The following SNTG2 variants were observed in gnomAD, a reference collection of about 807,000 sequenced individuals.
SNTG2 encodes syntrophin gamma 2.
SNTG2 carries 74 observed loss-of-function variants against 70.9 expected under a neutral mutation model. That is an observed-to-expected ratio of 1.04 (90% CI 0.86 to 1.27). The LOEUF is 1.27. Ranked by LOEUF, SNTG2 falls within the 50% of genes most tolerant of loss-of-function variation. The pLI, the probability that SNTG2 is intolerant of heterozygous loss-of-function variation, is 0.00. For missense variants in SNTG2, 717 were observed against 690.7 expected, an observed-to-expected ratio of 1.04 and a Z score of -0.43; for synonymous variants, 278 against 273.8, an observed-to-expected ratio of 1.02 and a Z score of -0.15.
At chr2:1,137,854 ATT>A in intron 6 of SNTG2, 45 bp downstream of exon 6, 1 of 1,507,090 alleles carries the variant, frequency 6.6e-7, no homozygotes, top group East Asian at 2.3e-5. Flanking sequence ...TTATTCTTGT[ATT>A]TGAATTATTT....
intron 16 of SNTG2, among the ~76,000 whole-genome samples, chr2:1,326,688 A>C (rs536241107): frequency 6.6e-6 from 1 of 152,264 alleles, no homozygotes; most frequent in East Asian, 1.9e-4. Flanking sequence ...ATCTTGCTCA[A>C]AACAAAAAAA....
intron 16 of SNTG2, among the ~76,000 whole-genome samples, chr2:1,358,795 C>T (rs1163560581): frequency 6.6e-6 from 1 of 152,134 alleles, no homozygotes; most frequent in African/African-American, 2.4e-5. Flanking sequence ...TGCTCCTGTA[C>T]ACATTTGAGA....
intron 15 of SNTG2, 145 bp from the exon 16 acceptor site, chr2:1,316,120 A>T (rs4927634): frequency 0.53 from 300,467 of 570,878 alleles, 80,039 homozygotes; most frequent in Middle Eastern, 0.6. Context: ...AAGTAGAGAC[A>T]GACAAATCAT....
At chr2:1,365,951 GC>G (rs962680299) in intron 16 of SNTG2, among the ~76,000 whole-genome samples, 2 of 152,106 alleles carry the variant, frequency 1.3e-5, no homozygotes, top group African/African-American at 4.8e-5. Flanking sequence ...CCTGCCTGGG[GC>G]CCCATTCTCC....
intron 4 of SNTG2, among the ~76,000 whole-genome samples, chr2:1,100,323 C>T (rs112461108): frequency 1.2e-3 from 185 of 152,140 alleles, no homozygotes; most frequent in African/African-American, 4.2e-3. Context: ...CCCGCCACCA[C>T]GCCTGGCTAA....
In SNTG2 at chr2:1,273,862, G is replaced by C. The variant is rs183209123; in HGVS notation, c.1284+6291G>C. Among the ~76,000 whole-genome samples the C allele has an allele frequency of 1.4e-3, 215 of 152,046 alleles. 1 individual carries two copies. In the Middle Eastern group the frequency reaches 0.027, roughly 19 times the overall value. On this transcript the variant is annotated intron_variant, in intron 14 of 16. Transcript: ENST00000308624. The stretch of plus-strand genomic sequence containing the variant: ...TGAAAAACACTGCTAATATAATGAA[G>C]AGAAGATATGAAAACTGGGAGAAAA...
chr2:1,233,908 C>T (rs981578735), intron 9 of SNTG2, among the ~76,000 whole-genome samples: 1 of 149,884 alleles, frequency 6.7e-6, no homozygotes, highest in South Asian at 2.2e-4. Flanking sequence ...CTCGGTGGAC[C>T]CCGGGGTGCC....
At chr2:1,189,260 C>T (rs924697397) in intron 8 of SNTG2, among the ~76,000 whole-genome samples, 1 of 152,110 alleles carries the variant, frequency 6.6e-6, no homozygotes, top group Non-Finnish European at 1.5e-5. Flanking sequence ...AATACCATAT[C>T]AATGGATAGA....
At chr2:1,298,078 A>G (rs1680299542) in intron 14 of SNTG2, among the ~76,000 whole-genome samples, 1 of 152,176 alleles carries the variant, frequency 6.6e-6, no homozygotes, top group Non-Finnish European at 1.5e-5. Flanking sequence ...TGGGATTTCA[A>G]TCTATCAGCA....
chr2:1,239,285 A>G (rs1219641878), intron 10 of SNTG2, among the ~76,000 whole-genome samples: 3 of 152,312 alleles, frequency 2.0e-5, no homozygotes, highest in Admixed American at 1.3e-4. Flanking sequence ...CTGTGGGAAC[A>G]TTATGATTCT....
At chr2:973,520 A>C (rs1171809175) in intron 1 of SNTG2, among the ~76,000 whole-genome samples, 1 of 147,904 alleles carries the variant, frequency 6.8e-6, no homozygotes, top group Non-Finnish European at 1.5e-5. Context: ...GTGTGTGTGT[A>C]TATACATGTA....
chr2:1,149,217 G>GACACACACAC lies in SNTG2; in HGVS notation c.411+11411_411+11420dup, dbSNP rs142450306. On this transcript the variant is annotated intron_variant, in intron 6 of 16. Transcript: ENST00000308624. Reference sequence around the variant, plus strand: ...CGTGTGTGTGTGTGTGTGAGAGAGAGACACACACACACGGGGAGCAGTGAG... The same window carrying GACACACACAC: ...CGTGTGTGTGTGTGTGTGAGAGAGAGACACACACACACACACACACACGGGGAGCAGTGAG... 7.7e-4 allele frequency among the ~76,000 whole-genome samples: 115 copies of GACACACACAC among 149,040 alleles called. 1 individual carries two copies. The highest frequency in any genetic ancestry group is 2.1e-3 in the Admixed American group (31 of 14,862).
In SNTG2 at chr2:1,271,950, A is replaced by G. The variant is rs192055124; in HGVS notation, c.1284+4379A>G. On this transcript the variant is annotated intron_variant, in intron 14 of 16. Transcript: ENST00000308624. ...GGCTGATTGGCTTCTCGTCAAGGGAACGCTATTGGATGATTGGCTTCTGTG... is the reference window on the plus strand; with the variant it reads ...GGCTGATTGGCTTCTCGTCAAGGGAGCGCTATTGGATGATTGGCTTCTGTG... Among the ~76,000 whole-genome samples, 775 of 152,172 alleles carry G rather than the reference A, an allele frequency of 5.1e-3. 6 individuals are homozygous for G. Among genetic ancestry groups the G allele is most frequent in the African/African-American group, 0.018 (746 of 41,522 alleles).
intron 4 of SNTG2, among the ~76,000 whole-genome samples, chr2:1,101,612 A>C (rs1665783995): frequency 1.0e-5 from 1 of 95,970 alleles, no homozygotes; most frequent in Non-Finnish European, 2.0e-5. Context: ...AAGGGAGTGC[A>C]GGAGGGCTGT....
chr2:1,113,242 A>G (rs1282041715), intron 4 of SNTG2, among the ~76,000 whole-genome samples: 1 of 151,584 alleles, frequency 6.6e-6, no homozygotes, highest in Non-Finnish European at 1.5e-5. Context: ...TTTCAGAAGG[A>G]TGGTGTGTAC....
At chr2:1,131,976 C>T (rs972459741) in intron 4 of SNTG2, among the ~76,000 whole-genome samples, 2 of 152,152 alleles carry the variant, frequency 1.3e-5, no homozygotes, top group Non-Finnish European at 2.9e-5. Context: ...TTGAGCTCTT[C>T]ACCTAATGTG....
Position 1,097,298 on chromosome 2 carries a change from C to T in SNTG2, c.211-898C>T, listed in dbSNP as rs1057103416. Among the ~76,000 whole-genome samples, 3 of 152,232 alleles carry T rather than the reference C, an allele frequency of 2.0e-5. No homozygotes were observed. Among genetic ancestry groups the T allele is most frequent in the Non-Finnish European group, 4.4e-5 (3 of 68,042 alleles). ...CCAGGTCCCCCCTTCGGCGTGGGCT[C>T]TGCCACCCTTTTACTTCTTTGTCCT... is the stretch of plus-strand genomic sequence containing the variant. On this transcript the variant is annotated intron_variant, in intron 2 of 16. Transcript: ENST00000308624. This position sits in a 1 kb window ranked among gnomAD's most constrained non-coding sequence, Gnocchi z 4.1.
chr2:1,267,293 C>A, intron 13 of SNTG2, 72 bp from the exon 14 acceptor site: 2 of 1,422,458 alleles, frequency 1.4e-6, no homozygotes, highest in Non-Finnish European at 1.9e-6. Flanking sequence ...TGCCTTCTCC[C>A]CACACCAGGG....
At position 1,222,051 on chromosome 2, in the gene SNTG2, CTCTCTGTCTCTGTTTCTCTCTG is replaced by C. The variant is rs1558553075; in HGVS notation, c.719+12835_719+12856del. ...TGCCTATCTCTGTCTCTCTCTGTCT[CTCTCTGTCTCTGTTTCTCTCTG>C]TCTCTGTCTCTGTCTCTCTCTGTCT... On this transcript the variant is annotated intron_variant, in intron 9 of 16. Coordinates refer to ENST00000308624, the MANE Select transcript of SNTG2 (RefSeq NM_018968.4). Among the ~76,000 whole-genome samples the C allele has an allele frequency of 7.0e-4, 11 of 15,816 alleles. 1 individual carries two copies. Among genetic ancestry groups the C allele is most frequent in the East Asian group, 0.01 (1 of 96 alleles). 10.4% of individuals were successfully genotyped at this position (15,816 alleles called of 152,430 possible). A position where few individuals can be genotyped will look rare whatever the true frequency, so the allele number is the denominator to read the frequency against.
Sources: allele counts gnomAD v4.1 joint callset (sites outside exome capture counted in the v4.1 genomes callset), GRCh38; gene constraint gnomAD v4.1.1; non-coding constraint Gnocchi (gnomAD v3.1); transcripts MANE v1.5; gene names NCBI Gene and HGNC (gene_info 2026-07-23, HGNC 2026-07-21).